BCAT1: variants seen among roughly 807,000 people sequenced by gnomAD.
BCAT1 encodes the protein branched chain amino acid transaminase 1.
In BCAT1, 48 loss-of-function variants were observed where a neutral mutation model predicts 52.4. The observed-to-expected ratio is 0.92, with a 90% CI of 0.73 to 1.16. The LOEUF (loss-of-function observed/expected upper bound fraction) is 1.16. Among genes scored for constraint, BCAT1 ranks in the 50% most tolerant of loss-of-function variants. The pLI is 0.00. For synonymous variants in BCAT1, 167 were observed against 161.3 expected, an observed-to-expected ratio of 1.04 and a Z score of -0.27; for missense variants, 451 against 457.1, an observed-to-expected ratio of 0.99 and a Z score of 0.12.
rs552431793 is a variant in BCAT1 at position 24,844,948 on chromosome 12, C to T, written c.675-2724G>A. On this transcript the variant is annotated intron_variant, in intron 6 of 10. Coordinates refer to ENST00000261192, the MANE Select transcript of BCAT1 (RefSeq NM_005504.7). ...CTTAAAAGGGCCAGGCACAGTGGCT[C>T]ATACCTGTAATCTCAGCACTTTGGG... is the stretch of plus-strand genomic sequence containing the variant. Among the ~76,000 whole-genome samples the T allele has an allele frequency of 3.2e-4, 47 of 145,606 alleles. No individual in the cohort carries two copies. The East Asian group carries it at 9.2e-3, about 28-fold the overall frequency.
intron 1 of BCAT1, among the ~76,000 whole-genome samples, chr12:24,937,498 G>T (rs1943778577): frequency 6.7e-6 from 1 of 149,282 alleles, no homozygotes; most frequent in African/African-American, 2.4e-5. Context: ...AAAATTTTTT[G>T]TTGGTTTTTG....
At chr12:24,923,920 G>A (rs1206718204) in intron 1 of BCAT1, among the ~76,000 whole-genome samples, 4 of 152,144 alleles carry the variant, frequency 2.6e-5, no homozygotes, top group Non-Finnish European at 5.9e-5. Context: ...TGAAGATACT[G>A]ATCAATTAAT....
intron 3 of BCAT1, among the ~76,000 whole-genome samples, chr12:24,889,976 C>T (rs1942789854): frequency 6.6e-6 from 1 of 152,166 alleles, no homozygotes; most frequent in Non-Finnish European, 1.5e-5. Context: ...ATGAAGGTTC[C>T]TAAAGGGTGG....
chr12:24,864,903 G>A (rs1221037994), intron 5 of BCAT1, among the ~76,000 whole-genome samples: 1 of 152,140 alleles, frequency 6.6e-6, no homozygotes, highest in African/African-American at 2.4e-5. Flanking sequence ...TCTCACTGTG[G>A]CAGGATTTGC....
intron 10 of BCAT1, among the ~76,000 whole-genome samples, chr12:24,825,095 G>A (rs1940329156): frequency 6.7e-6 from 1 of 149,230 alleles, no homozygotes; most frequent in Non-Finnish European, 1.5e-5. Context: ...CTTTTTTATG[G>A]CTGAATAGTA....
intron 1 of BCAT1, among the ~76,000 whole-genome samples, chr12:24,934,858 A>G (rs1391840055): frequency 6.6e-6 from 1 of 152,160 alleles, no homozygotes; most frequent in Non-Finnish European, 1.5e-5. Flanking sequence ...CTCCTTGGCT[A>G]TCAGTTGTAC....
chr12:24,926,328 G>A (rs1189406932), intron 1 of BCAT1, among the ~76,000 whole-genome samples: 2 of 151,858 alleles, frequency 1.3e-5, no homozygotes, highest in Non-Finnish European at 2.9e-5. Flanking sequence ...CACCCCGTCT[G>A]GGAAGTTGGG....
chr12:24,835,841 T>G (rs1325686308), intron 8 of BCAT1, among the ~76,000 whole-genome samples: 1 of 152,100 alleles, frequency 6.6e-6, no homozygotes, highest in Non-Finnish European at 1.5e-5. Flanking sequence ...TCCTCCTGCC[T>G]TGGCCTCCCA....
In BCAT1 at chr12:24,892,760, C is replaced by T. The variant is rs546041211; in HGVS notation, c.279+1515G>A. On this transcript the variant is annotated intron_variant, in intron 3 of 10. Transcript: ENST00000261192. ...CCCAGCTACTCAGGAGGCTGAGGTA[C>T]GAGGTTTGCTTGAGCCCAGGAGTTT... Among the ~76,000 whole-genome samples, 7 of 151,808 alleles carry T rather than the reference C, an allele frequency of 4.6e-5. No homozygotes were observed. In the East Asian group the frequency reaches 5.8e-4, roughly 13 times the overall value.
At chr12:24,829,923 ATT>A in intron 9 of BCAT1, 26 bp from the exon 10 acceptor site, 2 of 1,545,426 alleles carry the variant, frequency 1.3e-6, no homozygotes, top group Non-Finnish European at 1.8e-6. Flanking sequence ...AAATGAGATA[ATT>A]TGAGGGTACT....
rs1041173638 is a variant in BCAT1 at position 24,810,459 on chromosome 12, C to A, written c.*7549G>T. On this transcript the variant is annotated 3_prime_UTR_variant, in exon 11 of 11. Coordinates refer to ENST00000261192, the MANE Select transcript of BCAT1 (RefSeq NM_005504.7). The stretch of plus-strand genomic sequence containing the variant: ...TTGTACTAAATCAATGTAGAAAACA[C>A]ACTTTCTACCCTGAAGGAAACTGCT... 6.6e-6 allele frequency: 1 copy of A among 152,100 alleles called. No homozygotes were observed. Among genetic ancestry groups the A allele is most frequent in the Non-Finnish European group, 1.5e-5 (1 of 68,008 alleles). The allele number at this position is 152,100 out of a possible 1,614,324, so 9.4% of individuals were successfully genotyped here.
intron 6 of BCAT1, among the ~76,000 whole-genome samples, chr12:24,847,302 C>G (rs949871533): frequency 1.3e-5 from 2 of 152,164 alleles, no homozygotes; most frequent in African/African-American, 4.8e-5. Context: ...TGAATAGTTT[C>G]TACCATTACC....
chr12:24,924,059 C>A (rs975436972), intron 1 of BCAT1, among the ~76,000 whole-genome samples: 5 of 152,144 alleles, frequency 3.3e-5, no homozygotes, highest in Non-Finnish European at 7.3e-5. Context: ...CATTTTCAAC[C>A]GATTATGTCG....
rs6487433 is a variant in BCAT1 at position 24,866,566 on chromosome 12, G to A, written c.510+11964C>T. 9.7e-3 allele frequency among the ~76,000 whole-genome samples: 1,473 copies of A among 152,356 alleles called. 11 individuals are homozygous for A. Among genetic ancestry groups the A allele is most frequent in the Non-Finnish European group, 0.016 (1,101 of 68,036 alleles). Reference sequence around the variant, plus strand: ...TGGGTGAAGCCAGCTGGGCTCCTGAGTCTAGTGGGGACTTGGAGAATCTTT... The same window carrying A: ...TGGGTGAAGCCAGCTGGGCTCCTGAATCTAGTGGGGACTTGGAGAATCTTT... On this transcript the variant is annotated intron_variant, in intron 5 of 10. Transcript: ENST00000261192.
Position 24,817,956 on chromosome 12 carries a change from A to C in BCAT1, c.*52T>G. 6.5e-7 allele frequency: 1 copy of C among 1,547,324 alleles called. No homozygotes were observed. Among genetic ancestry groups the C allele is most frequent in the South Asian group, 1.1e-5 (1 of 89,188 alleles). On this transcript the variant is annotated 3_prime_UTR_variant, in exon 11 of 11. Coordinates refer to ENST00000261192, the MANE Select transcript of BCAT1 (RefSeq NM_005504.7). The stretch of plus-strand genomic sequence containing the variant: ...CAATTCAAATGCAACAGTCTGTCCC[A>C]GTAGCATACAGTTGGTATCCTCTAT...
At chr12:24,887,079 AAATATATATAT>A (rs1422242846) in intron 3 of BCAT1, among the ~76,000 whole-genome samples, 1 of 101,494 alleles carries the variant, frequency 9.9e-6, no homozygotes, top group Non-Finnish European at 2.0e-5. Flanking sequence ...AAAAAAAAAA[AAATATATATAT>A]ATATATATAT....
chr12:24,840,935 C>T (rs907616555), intron 7 of BCAT1, among the ~76,000 whole-genome samples: 3 of 152,200 alleles, frequency 2.0e-5, no homozygotes, highest in Non-Finnish European at 4.4e-5. Flanking sequence ...TCTAAAAATA[C>T]GCTTCTAAAT....
At chr12:24,942,079 A>C (rs1943858329) in intron 1 of BCAT1, among the ~76,000 whole-genome samples, 1 of 152,214 alleles carries the variant, frequency 6.6e-6, no homozygotes, top group Admixed American at 6.5e-5. Context: ...CGAACAGCAC[A>C]TAATGAAAAT....
rs199595203 is a variant in BCAT1 at position 24,817,991 on chromosome 12, T to C, written c.*17A>G. On this transcript the variant is annotated 3_prime_UTR_variant, in exon 11 of 11. Transcript: ENST00000261192. ...AGTTGGTATCCTCTATTTTCCATTG[T>C]ATCCTCTATTTTCCATTCAGGATAG... 11 of 1,611,836 alleles carry C rather than the reference T, an allele frequency of 6.8e-6. No individual in the cohort carries two copies. The highest frequency in any genetic ancestry group is 9.3e-6 in the Non-Finnish European group (11 of 1,178,300).
Sources: allele counts gnomAD v4.1 joint callset (sites outside exome capture counted in the v4.1 genomes callset), GRCh38; gene constraint gnomAD v4.1.1; transcripts MANE v1.5; gene names NCBI Gene and HGNC (gene_info 2026-07-23, HGNC 2026-07-21).